Variants in BCL2L1 observed in about 807,000 individuals in gnomAD.
BCL2L1 encodes the protein BCL2 like 1, also known as bcl-2-like protein 1.
Under a neutral mutation model 18.7 loss-of-function variants are expected in BCL2L1, and 1 was observed. The observed-to-expected ratio is 0.05, with a 90% CI of 0.02 to 0.25. BCL2L1 has a LOEUF of 0.25. BCL2L1 is among the 10% of genes least tolerant of loss of function. The pLI is 1.00. For missense variants in BCL2L1, 207 were observed against 304.9 expected (o/e 0.68, Z 2.39); for synonymous variants, 103 against 122.7 (o/e 0.84, Z 1.06).
At chr20:31,682,713 C>G (rs945222745) in intron 2 of BCL2L1, among the ~76,000 whole-genome samples, 4 of 152,136 alleles carry the variant, frequency 2.6e-5, no homozygotes, top group African/African-American at 4.8e-5. Flanking sequence ...CCTTGGCCCC[C>G]CAAAGTGCTG....
chr20:31,720,463 G>A (rs1228273477), intron 2 of BCL2L1: 1 of 878,972 alleles, frequency 1.1e-6, no homozygotes, highest in East Asian at 1.2e-4. Context: ...CCTCCGCTAG[G>A]TAGGGAGATA....
intron 2 of BCL2L1, among the ~76,000 whole-genome samples, chr20:31,690,355 T>C (rs2061041964): frequency 6.6e-6 from 1 of 152,094 alleles, no homozygotes; most frequent in African/African-American, 2.4e-5. Flanking sequence ...CCTCCCAAAC[T>C]GCTGGGATTA....
chr20:31,709,683 A>G (rs945953373), intron 2 of BCL2L1, among the ~76,000 whole-genome samples: 14 of 151,642 alleles, frequency 9.2e-5, no homozygotes, highest in African/African-American at 3.4e-4. Context: ...AATACAAAAA[A>G]AATTAGCCGG....
intron 2 of BCL2L1, among the ~76,000 whole-genome samples, chr20:31,681,414 G>A (rs956441058): frequency 3.9e-5 from 6 of 152,200 alleles, no homozygotes; most frequent in African/African-American, 1.4e-4. Context: ...TTGGGAGGCC[G>A]AGGTGAGAGG....
chr20:31,708,051 C>A (rs2061397492), intron 2 of BCL2L1, among the ~76,000 whole-genome samples: 1 of 152,172 alleles, frequency 6.6e-6, no homozygotes, highest in Non-Finnish European at 1.5e-5. Context: ...CCAGAAGAGT[C>A]TTCCTAACCT....
chr20:31,698,404 G>C (rs889458751), intron 2 of BCL2L1, among the ~76,000 whole-genome samples: 1 of 151,950 alleles, frequency 6.6e-6, no homozygotes, highest in Admixed American at 6.6e-5. Context: ...CACCATGCCT[G>C]ACAAATTTTT....
intron 2 of BCL2L1, among the ~76,000 whole-genome samples, chr20:31,711,922 G>A (rs1241106146): frequency 6.6e-6 from 1 of 152,136 alleles, no homozygotes; most frequent in Non-Finnish European, 1.5e-5. Context: ...AGCTCTTCTT[G>A]GTACTAGCCT....
intron 2 of BCL2L1, among the ~76,000 whole-genome samples, chr20:31,715,890 G>T (rs1317982963): frequency 6.6e-6 from 1 of 152,004 alleles, no homozygotes; most frequent in Non-Finnish European, 1.5e-5. Context: ...GGAGCGCAGT[G>T]GCTTGATCTC....
chr20:31,704,188 A>G (rs1334793797), intron 2 of BCL2L1, among the ~76,000 whole-genome samples: 1 of 123,972 alleles, frequency 8.1e-6, no homozygotes, highest in Admixed American at 8.3e-5. Flanking sequence ...ACTGCAACCT[A>G]TGCCTCCCAG....
intron 2 of BCL2L1, among the ~76,000 whole-genome samples, chr20:31,720,385 T>C (rs2061603544): frequency 6.6e-6 from 1 of 152,232 alleles, no homozygotes; most frequent in Non-Finnish European, 1.5e-5. Context: ...AATGGATGAC[T>C]TATTTTCCAC....
chr20:31,723,736 T>G, upstream of BCL2L1: 1 of 985,422 alleles, frequency 1.0e-6, no homozygotes, highest in South Asian at 4.7e-5. Flanking sequence ...CGCTCTCACC[T>G]GCGAGCCCCG....
intron 2 of BCL2L1, among the ~76,000 whole-genome samples, chr20:31,696,906 A>G (rs935334317): frequency 1.3e-5 from 2 of 152,034 alleles, no homozygotes; most frequent in African/African-American, 4.8e-5. Flanking sequence ...AAATACAAAA[A>G]TTAGCTGGGC....
At chr20:31,666,984 G>A (rs774595948) in intron 2 of BCL2L1, among the ~76,000 whole-genome samples, 4 of 152,188 alleles carry the variant, frequency 2.6e-5, no homozygotes, top group East Asian at 1.9e-4. Context: ...ATGAGTAAGC[G>A]TAGTACCCAA....
chr20:31,683,447 C>A (rs553508620), intron 2 of BCL2L1, among the ~76,000 whole-genome samples: 2 of 152,244 alleles, frequency 1.3e-5, no homozygotes, highest in African/African-American at 4.8e-5. Flanking sequence ...CACCGGCCAC[C>A]TAATCACTCT....
chr20:31,713,280 T>C (rs952332342), intron 2 of BCL2L1: 54 of 985,006 alleles, frequency 5.5e-5, no homozygotes, highest in Middle Eastern at 5.2e-4. Context: ...ATTTTCTAAA[T>C]CTTGAAGGGA....
intron 2 of BCL2L1, among the ~76,000 whole-genome samples, chr20:31,692,340 T>C (rs2061088604): frequency 6.6e-6 from 1 of 152,232 alleles, no homozygotes; most frequent in African/African-American, 2.4e-5. Flanking sequence ...GCAGAATGGA[T>C]ACACAGCTTG....
upstream of BCL2L1, chr20:31,723,302 C>A (rs766890752): frequency 2.7e-5 from 27 of 985,702 alleles, no homozygotes; most frequent in Non-Finnish European, 3.1e-5. Context: ...TGGCCGCCGG[C>A]GCCCTGCACA....
chr20:31,670,947 T>C (rs1222247441), intron 2 of BCL2L1, among the ~76,000 whole-genome samples: 1 of 152,182 alleles, frequency 6.6e-6, no homozygotes, highest in Non-Finnish European at 1.5e-5. Flanking sequence ...GCACCTTGGG[T>C]GGCTCCCACT....
At chr20:31,703,472 C>G (rs1379158349) in intron 2 of BCL2L1, among the ~76,000 whole-genome samples, 1 of 150,126 alleles carries the variant, frequency 6.7e-6, no homozygotes, top group Non-Finnish European at 1.5e-5. Flanking sequence ...AGCCACCATG[C>G]CTGGCCTAAA....
Sources: gnomAD v4.1 joint callset for allele counts (sites outside exome capture counted in the v4.1 genomes callset) on GRCh38, gnomAD v4.1.1 for gene constraint, MANE v1.5 for transcripts, NCBI Gene and HGNC (gene_info 2026-07-23, HGNC 2026-07-21) for gene names.